The following PLEKHG1 variants were observed in gnomAD, a reference collection of about 807,000 sequenced individuals.
PLEKHG1 encodes pleckstrin homology and RhoGEF domain containing G1.
Under a neutral mutation model 100.8 loss-of-function variants are expected in PLEKHG1, and 44 were observed. That is an observed-to-expected ratio of 0.44 (90% confidence interval 0.34 to 0.56). The LOEUF (loss-of-function observed/expected upper bound fraction) is 0.56. Among genes scored for constraint, PLEKHG1 ranks in the 20% least tolerant of loss-of-function variants. The probability of loss-of-function intolerance (pLI) is 0.01; values close to 1 mark genes in which losing one functional copy is unlikely to be tolerated. For missense variants in PLEKHG1, 1,545 were observed against 1,720.9 expected, an observed-to-expected ratio of 0.90 and a Z score of 1.81; for synonymous variants, 640 against 662.5, an observed-to-expected ratio of 0.97 and a Z score of 0.52.
At chr6:150,809,245 G>A (rs148074221) in exon 8 of PLEKHG1, 75 of 1,614,052 alleles carry the variant, frequency 4.6e-5, no homozygotes, top group East Asian at 2.9e-4. Flanking sequence ...TGCTCATCAC[G>A]AAGAAGAGAG....
At chr6:150,819,116 AT>A (rs56049606) in intron 11 of PLEKHG1, among the ~76,000 whole-genome samples, 27,223 of 132,876 alleles carry the variant, frequency 0.2, 2,233 homozygotes, top group Middle Eastern at 0.26. Context: ...TTGCCTTCGG[AT>A]TTTTTTTTTT....
chr6:150,783,169 T>TAAA lies in PLEKHG1; in HGVS notation c.513-3206_513-3204dup, dbSNP rs71014520. Among the ~76,000 whole-genome samples, 179 of 79,398 alleles carry TAAA rather than the reference T, an allele frequency of 2.3e-3. 2 individuals are homozygous for TAAA. The highest frequency in any genetic ancestry group is 6.8e-3 in the African/African-American group (168 of 24,562). The allele number at this position is 79,398 out of a possible 152,430, so 52.1% of individuals were successfully genotyped here. ...AATAAAAGAAATGGGGAAAAAAAAC[T>TAAA]AAAAAAAAAAAAAAAAAGGGAAATA... On this transcript the variant is annotated intron_variant, in intron 3 of 15. Transcript: ENST00000358517.
chr6:150,771,894 A>T (rs1453314371), intron 3 of PLEKHG1, among the ~76,000 whole-genome samples: 1 of 152,238 alleles, frequency 6.6e-6, no homozygotes, highest in Non-Finnish European at 1.5e-5. Flanking sequence ...ACAGAAAACC[A>T]CAGAAAGACA....
intron 2 of PLEKHG1, among the ~76,000 whole-genome samples, chr6:150,756,170 AC>A (rs138590860): frequency 0.12 from 18,046 of 151,960 alleles, 1,160 homozygotes; most frequent in East Asian, 0.16. Flanking sequence ...CTTCGTGTTT[AC>A]CCCCTGGCCC....
At chr6:150,753,974 T>C (rs1166366647) in intron 2 of PLEKHG1, among the ~76,000 whole-genome samples, 1 of 152,228 alleles carries the variant, frequency 6.6e-6, no homozygotes, top group Non-Finnish European at 1.5e-5. Context: ...GAGTCTACAC[T>C]CATTAGGTGC....
intron 3 of PLEKHG1, among the ~76,000 whole-genome samples, chr6:150,692,512 G>T (rs564127956): frequency 1.3e-5 from 2 of 152,290 alleles, no homozygotes; most frequent in East Asian, 3.9e-4. Flanking sequence ...GGAAAGAAAA[G>T]AATTTTTCCT....
chr6:150,759,981 G>T (rs1784066756), intron 2 of PLEKHG1, among the ~76,000 whole-genome samples: 1 of 152,102 alleles, frequency 6.6e-6, no homozygotes, highest in Non-Finnish European at 1.5e-5. Flanking sequence ...GGATGACAGA[G>T]CCAGTCTCTA....
intron 2 of PLEKHG1, among the ~76,000 whole-genome samples, chr6:150,759,586 G>C (rs113272053): frequency 6.6e-6 from 1 of 152,278 alleles, no homozygotes; most frequent in Admixed American, 6.5e-5. Flanking sequence ...GAGTGATGGA[G>C]CCTTTCTCAG....
chr6:150,707,181 T>G (rs769957297), intron 3 of PLEKHG1, among the ~76,000 whole-genome samples: 11 of 151,824 alleles, frequency 7.2e-5, no homozygotes, highest in Admixed American at 2.6e-4. Context: ...ATTTTTATAT[T>G]TTTAGTAGAG....
At chr6:150,715,837 G>A (rs1463105330) in intron 3 of PLEKHG1, among the ~76,000 whole-genome samples, 2 of 149,106 alleles carry the variant, frequency 1.3e-5, no homozygotes, top group Admixed American at 6.6e-5. Context: ...GGCCGGGCGC[G>A]GTGGCTCACG....
intron 3 of PLEKHG1, among the ~76,000 whole-genome samples, chr6:150,712,083 A>G (rs1236246919): frequency 6.6e-6 from 1 of 152,198 alleles, no homozygotes; most frequent in Non-Finnish European, 1.5e-5. Flanking sequence ...ATGTGAAGCA[A>G]AGAGAGACGA....
chr6:150,703,269 ACTTG>A (rs546651439), intron 3 of PLEKHG1, among the ~76,000 whole-genome samples: 105 of 152,254 alleles, frequency 6.9e-4, no homozygotes, highest in African/African-American at 2.5e-3. Flanking sequence ...TTAGATTCTG[ACTTG>A]CTTAATACTT....
intron 10 of PLEKHG1, among the ~76,000 whole-genome samples, chr6:150,813,149 C>CA (rs1002859613): frequency 4.6e-5 from 7 of 151,832 alleles, no homozygotes; most frequent in South Asian, 4.2e-4. Flanking sequence ...ACTAAAAATA[C>CA]AAAAAATTAG....
chr6:150,739,036 C>T (rs1782713329), intron 2 of PLEKHG1, among the ~76,000 whole-genome samples: 1 of 152,106 alleles, frequency 6.6e-6, no homozygotes, highest in African/African-American at 2.4e-5. Flanking sequence ...GGGTGGGTGT[C>T]TTTAATCTTT....
At chr6:150,718,975 TA>T (rs1365655129), upstream of PLEKHG1, among the ~76,000 whole-genome samples, 1 of 152,214 alleles carries the variant, frequency 6.6e-6, no homozygotes, top group African/African-American at 2.4e-5. Flanking sequence ...CAACATACTT[TA>T]AATCTTTGAT....
intron 3 of PLEKHG1, among the ~76,000 whole-genome samples, chr6:150,772,717 T>C (rs1583097540): frequency 6.6e-6 from 1 of 152,360 alleles, no homozygotes; most frequent in East Asian, 1.9e-4. Flanking sequence ...GATTTATAGC[T>C]CTAGTTCATT....
At chr6:150,828,312 T>C in intron 14 of PLEKHG1, 1 of 1,611,968 alleles carries the variant, frequency 6.2e-7, no homozygotes, top group Non-Finnish European at 8.5e-7. Context: ...AGAAGCCGAT[T>C]GAAGACGTGT....
intron 1 of PLEKHG1, among the ~76,000 whole-genome samples, chr6:150,602,633 G>C (rs910192174): frequency 6.6e-6 from 1 of 151,946 alleles, no homozygotes; most frequent in Non-Finnish European, 1.5e-5. Flanking sequence ...GAAATGATTC[G>C]TATCAGTGTT....
chr6:150,787,618 C>G (rs1318152096), intron 4 of PLEKHG1, among the ~76,000 whole-genome samples: 1 of 152,224 alleles, frequency 6.6e-6, no homozygotes, highest in East Asian at 1.9e-4. Context: ...CACGCGGAGT[C>G]CGGTGTGAAC....
Sources: allele counts gnomAD v4.1 joint callset (sites outside exome capture counted in the v4.1 genomes callset), GRCh38; gene constraint gnomAD v4.1.1; transcripts MANE v1.5; gene names NCBI Gene and HGNC (gene_info 2026-07-23, HGNC 2026-07-21).